The following SDK1 variants were observed in gnomAD, a reference collection of about 807,000 sequenced individuals.
SDK1 encodes sidekick cell adhesion molecule 1.
In SDK1, 157 loss-of-function variants were observed where a neutral mutation model predicts 245.5. The observed-to-expected ratio is 0.64, with a 90% CI of 0.56 to 0.73. SDK1 has a LOEUF of 0.73. SDK1 is among the 30% of genes least tolerant of loss of function. SDK1 has a pLI of 0.00. For missense variants in SDK1, 3,583 were observed against 3,002.3 expected (o/e 1.19, Z -4.52); for synonymous variants, 1,647 against 1,278.5 (o/e 1.29, Z -6.15).
chr7:3,501,824 A>G (rs1023592874), intron 1 of SDK1, among the ~76,000 whole-genome samples: 1 of 152,184 alleles, frequency 6.6e-6, no homozygotes, highest in Admixed American at 6.5e-5. Context: ...GTATTTTACA[A>G]ATATTTATTA....
chr7:3,970,128 C>T (rs1204075344), intron 11 of SDK1, among the ~76,000 whole-genome samples: 3 of 152,186 alleles, frequency 2.0e-5, no homozygotes, highest in Admixed American at 1.3e-4. Flanking sequence ...TCAATCTGTA[C>T]TACTAAAAAC....
intron 1 of SDK1, among the ~76,000 whole-genome samples, chr7:3,529,879 C>T (rs554298686): frequency 1.2e-4 from 18 of 152,226 alleles, no homozygotes; most frequent in South Asian, 2.1e-4. Flanking sequence ...GTATTCCTGA[C>T]GACATCCCAG....
rs1562872159 is a variant in SDK1 at position 4,139,595 on chromosome 7, A to ATGTG, written c.4229-6124_4229-6123insGTGT. ...TATGTGTGTGTGTATGTGTGTGTAT[A>ATGTG]TGTATATATGTGTGTGTATATGTGT... On this transcript the variant is annotated intron_variant, in intron 28 of 44. Coordinates refer to ENST00000404826, the MANE Select transcript of SDK1 (RefSeq NM_152744.4). Among the ~76,000 whole-genome samples the ATGTG allele has an allele frequency of 5.8e-3, 379 of 65,780 alleles. 59 individuals are homozygous for ATGTG. The highest frequency in any genetic ancestry group is 0.02 in the African/African-American group (347 of 17,022). The allele number at this position is 65,780 out of a possible 152,430, so 43.2% of individuals were successfully genotyped here.
At chr7:3,699,188 A>G (rs546147824) in intron 4 of SDK1, among the ~76,000 whole-genome samples, 1 of 152,308 alleles carries the variant, frequency 6.6e-6, no homozygotes, top group South Asian at 2.1e-4. Context: ...ATCTCATAAC[A>G]TGATATCCCC....
intron 1 of SDK1, among the ~76,000 whole-genome samples, chr7:3,383,734 G>T (rs1310177087): frequency 6.6e-6 from 1 of 152,176 alleles, no homozygotes; most frequent in Non-Finnish European, 1.5e-5. Context: ...GCCCTAAAAG[G>T]TTAATGATTA....
chr7:3,861,831 A>T (rs546221403), intron 5 of SDK1, among the ~76,000 whole-genome samples: 53 of 152,294 alleles, frequency 3.5e-4, no homozygotes, highest in African/African-American at 1.2e-3. Flanking sequence ...AATTAAGAGG[A>T]TGTAATTATC....
chr7:3,434,460 T>C (rs570441128), intron 1 of SDK1, among the ~76,000 whole-genome samples: 1 of 152,340 alleles, frequency 6.6e-6, no homozygotes, highest in South Asian at 2.1e-4. Flanking sequence ...CAACCACTTC[T>C]CTTGGAGAAG....
Position 3,589,514 on chromosome 7 carries a change from T to G in SDK1, c.299-29566T>G, listed in dbSNP as rs537938462. Among the ~76,000 whole-genome samples, 11 of 152,312 alleles carry G rather than the reference T, an allele frequency of 7.2e-5. 1 individual carries two copies. In the South Asian group the frequency reaches 2.1e-3, roughly 29 times the overall value. On this transcript the variant is annotated intron_variant, in intron 1 of 44. Transcript: ENST00000404826. ...TTTGGAAGTACATTTTCATATTGCA[T>G]GAAGAAATACCTGAGACTGGGTAAT... is the stretch of plus-strand genomic sequence containing the variant.
intron 4 of SDK1, among the ~76,000 whole-genome samples, chr7:3,659,417 C>G (rs1783286320): frequency 6.6e-6 from 1 of 151,978 alleles, no homozygotes; most frequent in African/African-American, 2.4e-5. Flanking sequence ...ATATTTATAC[C>G]AAAATTTGAA....
chr7:3,360,932 T>G (rs554510805), intron 1 of SDK1, among the ~76,000 whole-genome samples: 6 of 152,338 alleles, frequency 3.9e-5, no homozygotes, highest in Admixed American at 3.9e-4. Context: ...ATCGATGGGT[T>G]ATTCAACACG....
chr7:3,700,298 GATAA>G (rs1453328422), intron 4 of SDK1, among the ~76,000 whole-genome samples: 28 of 152,248 alleles, frequency 1.8e-4, no homozygotes, highest in Middle Eastern at 3.4e-3. Flanking sequence ...CAGAAATATA[GATAA>G]ATAGACTTTT....
intron 35 of SDK1, among the ~76,000 whole-genome samples, chr7:4,185,283 T>G (rs1782821220): frequency 6.6e-6 from 1 of 152,170 alleles, no homozygotes; most frequent in African/African-American, 2.4e-5. Context: ...GGAGAGCTCT[T>G]CAGATGACCC....
chr7:3,679,896 ACTT>A (rs1315658956), intron 4 of SDK1, among the ~76,000 whole-genome samples: 2 of 152,210 alleles, frequency 1.3e-5, no homozygotes, highest in African/African-American at 4.8e-5. Context: ...TATCGGTCAC[ACTT>A]CTTAGCATTT....
At chr7:3,723,735 CATAT>C (rs1778899959) in intron 4 of SDK1, among the ~76,000 whole-genome samples, 1 of 149,614 alleles carries the variant, frequency 6.7e-6, no homozygotes, top group Non-Finnish European at 1.5e-5. Context: ...CGTACATATA[CATAT>C]ACACGTGTAT....
intron 4 of SDK1, among the ~76,000 whole-genome samples, chr7:3,769,978 C>G (rs1340318068): frequency 6.7e-6 from 1 of 149,338 alleles, no homozygotes; most frequent in Non-Finnish European, 1.5e-5. Flanking sequence ...GTATTTACGG[C>G]TATGTAATTT....
At chr7:3,654,014 T>C (rs1783084726) in intron 4 of SDK1, among the ~76,000 whole-genome samples, 2 of 152,108 alleles carry the variant, frequency 1.3e-5, no homozygotes, top group African/African-American at 4.8e-5. Context: ...TGCAGGGGTG[T>C]TCAGGTAAAA....
intron 4 of SDK1, among the ~76,000 whole-genome samples, chr7:3,721,008 G>A (rs925911986): frequency 1.3e-5 from 2 of 152,168 alleles, no homozygotes; most frequent in Non-Finnish European, 2.9e-5. Flanking sequence ...GTCACAGACC[G>A]CATGAGTCCA....
At chr7:4,010,906 C>G in intron 14 of SDK1, 60 bp from the exon 15 acceptor site, 11 of 1,564,420 alleles carry the variant, frequency 7.0e-6, no homozygotes, top group Middle Eastern at 1.7e-4. Context: ...TTGCATTCAC[C>G]TCTTATTATT....
At chr7:3,336,028 T>G (rs73046699) in intron 1 of SDK1, among the ~76,000 whole-genome samples, 22,186 of 152,088 alleles carry the variant, frequency 0.15, 2,512 homozygotes, top group African/African-American at 0.32. Flanking sequence ...TACAGGGCAC[T>G]GCAGAAGCCT....
Sources: allele counts gnomAD v4.1 joint callset (sites outside exome capture counted in the v4.1 genomes callset), GRCh38; gene constraint gnomAD v4.1.1; transcripts MANE v1.5; gene names NCBI Gene and HGNC (gene_info 2026-07-23, HGNC 2026-07-21).